The following PDE10A variants were observed in gnomAD, a reference collection of about 807,000 sequenced individuals.
The protein encoded by PDE10A is phosphodiesterase 10A.
A neutral mutation model predicts 97.7 loss-of-function variants in PDE10A; 39 were observed. That is an observed-to-expected ratio of 0.40 (90% CI 0.31 to 0.52). The LOEUF is 0.52. Among genes scored for constraint, PDE10A ranks in the 20% least tolerant of loss-of-function variants. PDE10A has a pLI of 0.56. For synonymous variants in PDE10A, 371 were observed against 376.8 expected, an observed-to-expected ratio of 0.98 and a Z score of 0.18; for missense variants, 731 against 1,047.8, an observed-to-expected ratio of 0.70 and a Z score of 4.17.
intron 1 of PDE10A, among the ~76,000 whole-genome samples, chr6:165,737,938 T>C (rs1792619818): frequency 1.3e-5 from 2 of 152,210 alleles, no homozygotes; most frequent in African/African-American, 4.8e-5. Flanking sequence ...TTAGAGCTAA[T>C]AAACAGCTTC....
intron 21 of PDE10A, among the ~76,000 whole-genome samples, chr6:165,333,674 C>A (rs35370121): frequency 0.13 from 19,122 of 152,212 alleles, 1,606 homozygotes; most frequent in African/African-American, 0.23. Flanking sequence ...TACAGTAAAA[C>A]CGTGTTTGTG....
intron 1 of PDE10A, among the ~76,000 whole-genome samples, chr6:165,962,245 C>T (rs2128498637): frequency 6.6e-6 from 1 of 152,354 alleles, no homozygotes; most frequent in South Asian, 2.1e-4. Flanking sequence ...TCACAGGACT[C>T]AGAGACCTCA....
intron 18 of PDE10A, among the ~76,000 whole-genome samples, chr6:165,358,594 T>C (rs942290842): frequency 1.6e-4 from 24 of 151,894 alleles, no homozygotes; most frequent in African/African-American, 5.8e-4. Context: ...GCATACGTCA[T>C]AGACAACATG....
At chr6:165,971,952 C>A (rs1322755968) in intron 1 of PDE10A, among the ~76,000 whole-genome samples, 2 of 152,082 alleles carry the variant, frequency 1.3e-5, no homozygotes, top group Non-Finnish European at 2.9e-5. Context: ...TAACTTTAAA[C>A]CTGTTAAAGT....
At chr6:165,783,614 C>T (rs187477071) in intron 1 of PDE10A, among the ~76,000 whole-genome samples, 310 of 152,236 alleles carry the variant, frequency 2.0e-3, no homozygotes, top group African/African-American at 7.1e-3. Context: ...AAAACATCAA[C>T]ACCTGTAATA....
At chr6:165,596,062 C>A (rs1053730420) in intron 1 of PDE10A, among the ~76,000 whole-genome samples, 1 of 152,178 alleles carries the variant, frequency 6.6e-6, no homozygotes, top group African/African-American at 2.4e-5. Flanking sequence ...TTACTCATCA[C>A]AAAGGAGAAA....
intron 1 of PDE10A, among the ~76,000 whole-genome samples, chr6:165,622,279 T>A (rs1788177320): frequency 7.0e-6 from 1 of 142,622 alleles, no homozygotes. Context: ...TGTGAGTGTG[T>A]GTGTGTGTGT....
At chr6:165,800,393 G>T (rs7765722) in intron 1 of PDE10A, among the ~76,000 whole-genome samples, 76,924 of 152,056 alleles carry the variant, frequency 0.51, 19,806 homozygotes, top group Middle Eastern at 0.6. Context: ...CATGTGAGAT[G>T]TGCACACAGA....
chr6:165,769,949 C>T (rs1158567670), intron 1 of PDE10A, among the ~76,000 whole-genome samples: 1 of 152,086 alleles, frequency 6.6e-6, no homozygotes, highest in African/African-American at 2.4e-5. Context: ...CACCCTTAAT[C>T]CATTAAGTAA....
At chr6:165,520,383 A>G (rs1782059154) in intron 2 of PDE10A, among the ~76,000 whole-genome samples, 1 of 152,192 alleles carries the variant, frequency 6.6e-6, no homozygotes, top group African/African-American at 2.4e-5. Flanking sequence ...TAAACCATAG[A>G]GAACGCTCTT....
chr6:165,850,443 G>A (rs942961886), intron 1 of PDE10A, among the ~76,000 whole-genome samples: 1 of 152,132 alleles, frequency 6.6e-6, no homozygotes, highest in African/African-American at 2.4e-5. Flanking sequence ...TTCTTTCAAC[G>A]GTATTTTATC....
intron 3 of PDE10A, among the ~76,000 whole-genome samples, chr6:165,479,114 G>A (rs1779457089): frequency 6.6e-6 from 1 of 152,124 alleles, no homozygotes; most frequent in Non-Finnish European, 1.5e-5. Flanking sequence ...CTTCTAAGTA[G>A]ACTGTAACAG....
intron 18 of PDE10A, among the ~76,000 whole-genome samples, chr6:165,368,865 C>T (rs1038143186): frequency 6.6e-6 from 1 of 152,204 alleles, no homozygotes; most frequent in African/African-American, 2.4e-5. Context: ...CGGCCCGGTA[C>T]TCCTCTGAGA....
chr6:165,629,894 A>T (rs1269643639), intron 1 of PDE10A, among the ~76,000 whole-genome samples: 1 of 152,184 alleles, frequency 6.6e-6, no homozygotes, highest in African/African-American at 2.4e-5. Flanking sequence ...TTTTAATTAA[A>T]GAACAGTAGA....
chr6:165,981,457 G>A (rs1785012536), intron 1 of PDE10A, among the ~76,000 whole-genome samples: 1 of 152,206 alleles, frequency 6.6e-6, no homozygotes, highest in South Asian at 2.1e-4. Context: ...GAGGGGAGGA[G>A]AGAGGCACAT....
At chr6:165,971,346 G>T (rs1480289104) in intron 1 of PDE10A, among the ~76,000 whole-genome samples, 3 of 152,114 alleles carry the variant, frequency 2.0e-5, no homozygotes, top group Admixed American at 1.3e-4. Context: ...GTCAAGCTTA[G>T]GAGAAATGAT....
intron 16 of PDE10A, 67 bp downstream of exon 16, chr6:165,392,579 T>A (rs1178542741): frequency 1.4e-6 from 2 of 1,436,366 alleles, no homozygotes; most frequent in African/African-American, 2.8e-5. Context: ...GTCATCAATG[T>A]GCTCCTGACA....
chr6:165,393,613 C>A (rs1785895938), intron 15 of PDE10A, among the ~76,000 whole-genome samples: 1 of 151,874 alleles, frequency 6.6e-6, no homozygotes, highest in South Asian at 2.1e-4. Context: ...TTTAAGAATT[C>A]CAACTGGTCA....
At chr6:165,479,048 C>T (rs1312807700) in intron 3 of PDE10A, among the ~76,000 whole-genome samples, 3 of 152,206 alleles carry the variant, frequency 2.0e-5, no homozygotes, top group Admixed American at 6.5e-5. Context: ...ATTCTGGACA[C>T]ACCTCAGAAC....
Sources: allele counts gnomAD v4.1 joint callset (sites outside exome capture counted in the v4.1 genomes callset), GRCh38; gene constraint gnomAD v4.1.1; transcripts MANE v1.5; gene names NCBI Gene and HGNC (gene_info 2026-07-23, HGNC 2026-07-21).